The following ASCC3 variants were observed in gnomAD, a reference collection of about 807,000 sequenced individuals.
ASCC3 encodes ASC-1 complex subunit P200.
In ASCC3, 158 loss-of-function variants were observed where a neutral mutation model predicts 256.3. That is an observed-to-expected ratio of 0.62 (90% CI 0.54 to 0.70). The LOEUF is 0.70. ASCC3 is among the 30% of genes least tolerant of loss of function. ASCC3 has a pLI of 0.00. For synonymous variants in ASCC3, 948 were observed against 883.4 expected (o/e 1.07, Z -1.30); for missense variants, 2,259 against 2,626.0 (o/e 0.86, Z 3.05).
Position 100,509,853 on chromosome 6 carries a change from A to T in ASCC3, c.6461+79T>A. ...CAGTGAGCAGAGATCGCGCCACTGCACTCCAGCCTGGGCGACAGAGCGAGA... is the reference window on the plus strand; with the variant it reads ...CAGTGAGCAGAGATCGCGCCACTGCTCTCCAGCCTGGGCGACAGAGCGAGA... On this transcript the variant is annotated intron_variant, in intron 41 of 41. Coordinates refer to ENST00000369162, the MANE Select transcript of ASCC3 (RefSeq NM_006828.4). The T allele has an allele frequency of 2.8e-6, 4 of 1,416,546 alleles. No homozygotes were observed. In the South Asian group the frequency reaches 4.7e-5, roughly 17 times the overall value. 87.7% of individuals were successfully genotyped at this position (1,416,546 alleles called of 1,614,324 possible).
rs113679955 is a variant in ASCC3 at position 100,811,056 on chromosome 6, C to G, written c.802-5176G>C. ...GATTTTTGTCCATGTTTACCCCCCG[C>G]CCATACTAAAGTCACCTAGAAACAG... is the stretch of plus-strand genomic sequence containing the variant. On this transcript the variant is annotated intron_variant, in intron 4 of 41. Coordinates refer to ENST00000369162, the MANE Select transcript of ASCC3 (RefSeq NM_006828.4). 4.5e-3 allele frequency among the ~76,000 whole-genome samples: 685 copies of G among 152,142 alleles called. 7 individuals are homozygous for G. Among genetic ancestry groups the G allele is most frequent in the African/African-American group, 0.016 (656 of 41,498 alleles).
chr6:100,531,281 T>A (rs867632511), intron 37 of ASCC3, among the ~76,000 whole-genome samples: 1 of 152,182 alleles, frequency 6.6e-6, no homozygotes, highest in Non-Finnish European at 1.5e-5. Context: ...AATTCCAACA[T>A]TGTGGATTTC....
chr6:100,787,091 C>G (rs2114284760), intron 8 of ASCC3, among the ~76,000 whole-genome samples: 1 of 152,154 alleles, frequency 6.6e-6, no homozygotes, highest in East Asian at 1.9e-4. Context: ...TAGTTTAATC[C>G]TTTCCCCTCA....
intron 37 of ASCC3, among the ~76,000 whole-genome samples, chr6:100,522,123 T>C (rs1291440628): frequency 6.6e-6 from 1 of 152,090 alleles, no homozygotes; most frequent in African/African-American, 2.4e-5. Context: ...TTAATACCCC[T>C]TTACCTCTTA....
At chr6:100,604,941 A>T (rs529930761) in intron 33 of ASCC3, among the ~76,000 whole-genome samples, 6 of 152,220 alleles carry the variant, frequency 3.9e-5, no homozygotes, top group Admixed American at 1.3e-4. Context: ...CTAAACCTGA[A>T]GGAAGAAAGG....
At chr6:100,565,285 AGAACATTTTTCTTAC>A (rs1770177147) in intron 36 of ASCC3, among the ~76,000 whole-genome samples, 1 of 152,290 alleles carries the variant, frequency 6.6e-6, no homozygotes, top group Admixed American at 6.5e-5. Context: ...CCCAAAAGAA[AGAACATTTTTCTTAC>A]GAACACAGCT....
chr6:100,580,298 C>A (rs1447276758), intron 36 of ASCC3, among the ~76,000 whole-genome samples: 1 of 151,552 alleles, frequency 6.6e-6, no homozygotes, highest in East Asian at 1.9e-4. Context: ...TAGCTCAGTT[C>A]AAGATTATAA....
At chr6:100,680,836 G>C (rs1289612916) in intron 13 of ASCC3, among the ~76,000 whole-genome samples, 1 of 152,198 alleles carries the variant, frequency 6.6e-6, no homozygotes, top group East Asian at 1.9e-4. Flanking sequence ...CATTTTTCTG[G>C]AAGTTAAAAC....
At chr6:100,676,650 T>C (rs1234894769) in intron 14 of ASCC3, among the ~76,000 whole-genome samples, 1 of 152,150 alleles carries the variant, frequency 6.6e-6, no homozygotes, top group African/African-American at 2.4e-5. Flanking sequence ...AGTCCTGAGG[T>C]GTAACTGTTA....
At chr6:100,593,316 T>A (rs1772101007) in intron 34 of ASCC3, among the ~76,000 whole-genome samples, 1 of 152,018 alleles carries the variant, frequency 6.6e-6, no homozygotes, top group East Asian at 1.9e-4. Flanking sequence ...AGCAGTCCAT[T>A]GGGAAAAAGT....
intron 30 of ASCC3, among the ~76,000 whole-genome samples, chr6:100,619,682 C>T (rs1311481803): frequency 6.6e-6 from 1 of 152,008 alleles, no homozygotes; most frequent in Non-Finnish European, 1.5e-5. Flanking sequence ...ACAGAGTGGT[C>T]TCTAATCATT....
At chr6:100,803,650 C>T (rs1169008907) in intron 5 of ASCC3, among the ~76,000 whole-genome samples, 1 of 152,070 alleles carries the variant, frequency 6.6e-6, no homozygotes, top group Non-Finnish European at 1.5e-5. Context: ...AACAGACCTG[C>T]AGACAAAATT....
At position 100,739,312 on chromosome 6, in the gene ASCC3, C is replaced by T. The variant is rs1437105152; in HGVS notation, c.1738-13609G>A. Among the ~76,000 whole-genome samples, 3 of 152,230 alleles carry T rather than the reference C, an allele frequency of 2.0e-5. No homozygotes were observed. The East Asian group carries it at 5.8e-4, about 29-fold the overall frequency. ...AGCCAGCTTGATCATAATCAATAAG[C>T]TTTTTGTTGTGCTGCTGGATTTGGT... On this transcript the variant is annotated intron_variant, in intron 10 of 41. Transcript: ENST00000369162.
chr6:100,605,957 T>C (rs1463014881), intron 32 of ASCC3, among the ~76,000 whole-genome samples: 5 of 152,050 alleles, frequency 3.3e-5, no homozygotes, highest in Non-Finnish European at 7.4e-5. Flanking sequence ...CATTTATAGA[T>C]GTAAGAAAGA....
At chr6:100,822,450 T>C (rs750653500) in intron 4 of ASCC3, among the ~76,000 whole-genome samples, 1 of 149,598 alleles carries the variant, frequency 6.7e-6, no homozygotes, top group Non-Finnish European at 1.5e-5. Flanking sequence ...GGTGGGAGGA[T>C]GGCTTGAGCC....
chr6:100,666,207 T>C (rs2114939532), intron 14 of ASCC3, among the ~76,000 whole-genome samples: 1 of 152,314 alleles, frequency 6.6e-6, no homozygotes, highest in East Asian at 1.9e-4. Context: ...CATTACAGTC[T>C]GTTAATCGGA....
intron 8 of ASCC3, among the ~76,000 whole-genome samples, chr6:100,781,470 G>A (rs9404045): frequency 0.39 from 59,144 of 151,378 alleles, 12,837 homozygotes; most frequent in Middle Eastern, 0.56. Flanking sequence ...TGCGCCCTCC[G>A]CCTCCCGGGT....
intron 2 of ASCC3, among the ~76,000 whole-genome samples, chr6:100,865,131 T>C (rs1017899351): frequency 2.6e-5 from 4 of 152,172 alleles, no homozygotes; most frequent in African/African-American, 4.8e-5. Flanking sequence ...TGGGCAAAGG[T>C]AGAGATGAAA....
chr6:100,723,862 AT>A (rs1779462469), intron 11 of ASCC3, among the ~76,000 whole-genome samples: 1 of 6,412 alleles, frequency 1.6e-4, no homozygotes, highest in Non-Finnish European at 3.1e-4. Flanking sequence ...TTAGGGAATT[AT>A]ATATATATAT....
Sources: allele counts gnomAD v4.1 joint callset (sites outside exome capture counted in the v4.1 genomes callset), GRCh38; gene constraint gnomAD v4.1.1; transcripts MANE v1.5; gene names NCBI Gene and HGNC (gene_info 2026-07-23, HGNC 2026-07-21).